ARFGEF2: variants seen among roughly 807,000 people sequenced by gnomAD.
ARFGEF2 encodes the protein ARF guanine nucleotide exchange factor 2.
A neutral mutation model predicts 219.9 loss-of-function variants in ARFGEF2; 74 were observed. That is an observed-to-expected ratio of 0.34 (90% CI 0.28 to 0.41). The LOEUF is 0.41. Among genes scored for constraint, ARFGEF2 ranks in the 10% least tolerant of loss-of-function variants. The pLI, the probability that ARFGEF2 is intolerant of heterozygous loss-of-function variation, is 1.00. For synonymous variants in ARFGEF2, 733 were observed against 799.2 expected, an observed-to-expected ratio of 0.92 and a Z score of 1.40; for missense variants, 1,743 against 2,218.3, an observed-to-expected ratio of 0.79 and a Z score of 4.30.
rs537002996 is a variant in ARFGEF2, at chr20:49,034,149, C to T, written c.*950C>T. ...AAGTGAGTGTACTGGCAGTTAGTGT[C>T]ACTGCTTTGCACAGTCCCCATTAAA... On this transcript the variant is annotated 3_prime_UTR_variant, in exon 39 of 39. Coordinates refer to ENST00000371917, the MANE Select transcript of ARFGEF2 (RefSeq NM_006420.3). The T allele has an allele frequency of 6.6e-6, 1 of 152,272 alleles. No homozygotes were observed. Among genetic ancestry groups the T allele is most frequent in the East Asian group, 1.9e-4 (1 of 5,186 alleles). 9.4% of individuals were successfully genotyped at this position (152,272 alleles called of 1,614,324 possible).
At position 49,025,292 on chromosome 20, in the gene ARFGEF2, A is replaced by G. The variant is rs146305858; in HGVS notation, c.4756-21A>G. ...TTCCATCTTCTTCATTAGCTCTTCT[A>G]TCCTCTGTCCTGTCCTCTAGCAAGA... On this transcript the variant is annotated intron_variant, in intron 35 of 38. Coordinates refer to ENST00000371917, the MANE Select transcript of ARFGEF2 (RefSeq NM_006420.3). 8.5e-4 allele frequency: 1,363 copies of G among 1,600,080 alleles called. 10 individuals carry two copies. In the African/African-American group the frequency reaches 0.016, roughly 19 times the overall value.
rs1258016537 is a variant in ARFGEF2, at chr20:48,952,556, GT to G, written c.424-146del. 24 of 767,894 alleles carry G rather than the reference GT, an allele frequency of 3.1e-5. No homozygotes were observed. In the African/African-American group the frequency reaches 3.5e-4, roughly 11 times the overall value. 47.6% of individuals were successfully genotyped at this position (767,894 alleles called of 1,614,324 possible). A position where few individuals can be genotyped will look rare whatever the true frequency, so the allele number is the denominator to read the frequency against. The stretch of plus-strand genomic sequence containing the variant: ...GTTGGCTCTTCATAATAATCACCTA[GT>G]TTAATTTGCAGAGCCATCTTACAAT... On this transcript the variant is annotated intron_variant, in intron 4 of 38. Coordinates refer to ENST00000371917, the MANE Select transcript of ARFGEF2 (RefSeq NM_006420.3).
intron 27 of ARFGEF2, among the ~76,000 whole-genome samples, chr20:49,010,883 G>A (rs1001023974): frequency 6.6e-6 from 1 of 152,206 alleles, no homozygotes; most frequent in Admixed American, 6.5e-5. Flanking sequence ...CAAGGCGCAC[G>A]TTCCCAGTTG....
intron 13 of ARFGEF2, among the ~76,000 whole-genome samples, 197 bp downstream of exon 13, chr20:48,975,071 A>G (rs2091252763): frequency 2.0e-5 from 3 of 152,242 alleles, no homozygotes; most frequent in South Asian, 2.1e-4. Flanking sequence ...ATTGTTTCAA[A>G]TACAGAGCCA....
chr20:49,024,832 C>G (rs2091591963), intron 35 of ARFGEF2, among the ~76,000 whole-genome samples: 1 of 152,050 alleles, frequency 6.6e-6, no homozygotes, highest in Admixed American at 6.6e-5. Flanking sequence ...CCCGTCTTTA[C>G]TAAAAATACA....
intron 12 of ARFGEF2, among the ~76,000 whole-genome samples, chr20:48,974,403 C>A (rs1329428682): frequency 6.6e-6 from 1 of 151,892 alleles, no homozygotes; most frequent in Non-Finnish European, 1.5e-5. Context: ...TGAGCCACAG[C>A]GCCTGCCCAA....
intron 7 of ARFGEF2, 112 bp downstream of exon 7, chr20:48,964,010 G>A: frequency 1.0e-6 from 1 of 977,738 alleles, no homozygotes; most frequent in Non-Finnish European, 1.6e-6. Context: ...AACTGGTGGA[G>A]CTCATGGAAA....
chr20:48,924,980 G>A (rs6019535), intron 1 of ARFGEF2, among the ~76,000 whole-genome samples: 55,023 of 152,106 alleles, frequency 0.36, 10,866 homozygotes, highest in African/African-American at 0.54. Flanking sequence ...AACCACAGCA[G>A]CTGTAATTAC....
intron 10 of ARFGEF2, 78 bp from the exon 11 acceptor site, chr20:48,972,248 G>A: frequency 9.9e-7 from 1 of 1,014,124 alleles, no homozygotes; most frequent in East Asian, 2.4e-5. Context: ...GACTGGGTTG[G>A]CTGCTGAAGA....
At position 48,998,634 on chromosome 20, in the gene ARFGEF2, T is replaced by G. The variant is rs1380283347; in HGVS notation, c.3432+129T>G. ...CCTCTAATTCATTTTCCCTGTGCAG[T>G]CAAGGACAGCTTGATAGGAGTAATA... On this transcript the variant is annotated intron_variant, in intron 25 of 38. Coordinates refer to ENST00000371917, the MANE Select transcript of ARFGEF2 (RefSeq NM_006420.3). 3 of 907,708 alleles carry G rather than the reference T, an allele frequency of 3.3e-6. No individual in the cohort carries two copies. In the Admixed American group the frequency reaches 6.8e-5, roughly 21 times the overall value. 56.2% of individuals were successfully genotyped at this position (907,708 alleles called of 1,614,324 possible).
chr20:48,954,689 A>C (rs2091095389), intron 6 of ARFGEF2, among the ~76,000 whole-genome samples: 1 of 152,170 alleles, frequency 6.6e-6, no homozygotes, highest in Non-Finnish European at 1.5e-5. Flanking sequence ...GAACAGACCA[A>C]GTGTTGTTGC....
chr20:49,036,071 G>T lies in ARFGEF2; in HGVS notation c.*2872G>T. The T allele has an allele frequency of 2.5e-6, 1 of 397,710 alleles. No individual in the cohort carries two copies. The highest frequency in any genetic ancestry group is 1.3e-4 in the South Asian group (1 of 7,730). 24.6% of individuals were successfully genotyped at this position (397,710 alleles called of 1,614,324 possible). On this transcript the variant is annotated 3_prime_UTR_variant, in exon 39 of 39. Coordinates refer to ENST00000371917, the MANE Select transcript of ARFGEF2 (RefSeq NM_006420.3). ...CATTTAGTAGTCTTTGTTATTAAAG[G>T]AACCTGCTGATAAGTACAAGTGTGA...
rs73909759 is a variant in ARFGEF2, at chr20:48,942,872, C to G, written c.276+885C>G. 7.2e-3 allele frequency among the ~76,000 whole-genome samples: 1,099 copies of G among 152,154 alleles called. 15 individuals carry two copies. Among genetic ancestry groups the G allele is most frequent in the African/African-American group, 0.025 (1,049 of 41,520 alleles). ...AACTACAGGGTTAGGTTCCTGCAAG[C>G]CTTTAGTCTTCATGTGTTTCTATTT... On this transcript the variant is annotated intron_variant, in intron 3 of 38. Coordinates refer to ENST00000371917, the MANE Select transcript of ARFGEF2 (RefSeq NM_006420.3).
At chr20:48,973,354 C>G in intron 12 of ARFGEF2, 70 bp downstream of exon 12, 1 of 1,514,172 alleles carries the variant, frequency 6.6e-7, no homozygotes, top group South Asian at 1.2e-5. Flanking sequence ...TGAGTGCCAC[C>G]ACATGCCAGG....
In ARFGEF2 at chr20:48,988,346, G is replaced by T; in HGVS notation, c.2319G>T (p.Ala773=). 1 of 1,613,642 alleles carries T rather than the reference G, an allele frequency of 6.2e-7. No individual in the cohort carries two copies. Among genetic ancestry groups the T allele is most frequent in the Non-Finnish European group, 8.5e-7 (1 of 1,179,998 alleles). Residue 773 remains alanine, a synonymous_variant, in exon 17 of 39, where the codon GCG becomes GCT. Transcript: ENST00000371917. ...GTGCTGACACTGCTTATGTCCTAGC[G>T]TATTCAATTATTATGCTGACTACAG... The part of the protein sequence containing the change: ...FASADTAYVL[A]YSIIMLTTDL...
intron 3 of ARFGEF2, among the ~76,000 whole-genome samples, chr20:48,947,127 G>A (rs965411851): frequency 6.6e-5 from 10 of 152,278 alleles, no homozygotes; most frequent in Middle Eastern, 3.4e-3. Context: ...GGCCAGGTGC[G>A]GTAGCTCATG....
At chr20:48,955,639 A>G (rs1460997282) in intron 6 of ARFGEF2, among the ~76,000 whole-genome samples, 1 of 152,258 alleles carries the variant, frequency 6.6e-6, no homozygotes, top group African/African-American at 2.4e-5. Context: ...TGCTGTTAGC[A>G]TGTTGCTGTG....
chr20:48,949,780 G>A (rs929333737), intron 3 of ARFGEF2, among the ~76,000 whole-genome samples: 1 of 152,092 alleles, frequency 6.6e-6, no homozygotes, highest in Non-Finnish European at 1.5e-5. Context: ...AGTCCCCCTG[G>A]TGGGGGCAGA....
chr20:49,027,200 C>T (rs2091608893), intron 36 of ARFGEF2, among the ~76,000 whole-genome samples: 1 of 152,040 alleles, frequency 6.6e-6, no homozygotes, highest in African/African-American at 2.4e-5. Context: ...ATTCTCCTGC[C>T]TCAGCCTCCC....
Sources: gnomAD v4.1 joint callset for allele counts (sites outside exome capture counted in the v4.1 genomes callset) on GRCh38, gnomAD v4.1.1 for gene constraint, MANE v1.5 for transcripts, NCBI Gene and HGNC (gene_info 2026-07-23, HGNC 2026-07-21) for gene names.